Variants in ATP6V0C observed in about 807,000 individuals in gnomAD.
ATP6V0C encodes V-type proton ATPase 16 kDa proteolipid subunit c.
ATP6V0C carries 2 observed loss-of-function variants against 10.6 expected under a neutral mutation model. The ratio of observed to expected loss-of-function variants is 0.19; its 90% CI spans 0.08 to 0.59. ATP6V0C has a LOEUF of 0.59. Among genes scored for constraint, ATP6V0C ranks in the 20% least tolerant of loss-of-function variants. The pLI is 0.90. For synonymous variants in ATP6V0C, 128 were observed against 101.3 expected (o/e 1.26, Z -1.59); for missense variants, 89 against 225.9 (o/e 0.39, Z 3.88).
intron 1 of ATP6V0C, among the ~76,000 whole-genome samples, chr16:2,514,693 C>T (rs1418614987): frequency 1.3e-5 from 2 of 152,036 alleles, no homozygotes; most frequent in Non-Finnish European, 2.9e-5. Context: ...AGCCCTCGCC[C>T]TTATGGCGGC....
rs2065865452 is a variant in ATP6V0C at position 2,514,246 on chromosome 16, G to T, written c.79+64G>T. On this transcript the variant is annotated intron_variant, in intron 1 of 2. Coordinates refer to ENST00000330398, the MANE Select transcript of ATP6V0C (RefSeq NM_001694.4). ...CGCGCGTTGCTCATGCCCGCAGCTC[G>T]CCGGGGTCCGGTGTGTGACGTCACT... 1.2e-5 allele frequency: 17 copies of T among 1,465,486 alleles called. No individual in the cohort carries two copies. The South Asian group carries it at 2.2e-4, about 19-fold the overall frequency. 90.8% of individuals were successfully genotyped at this position (1,465,486 alleles called of 1,614,324 possible).
In ATP6V0C at chr16:2,513,959, G is replaced by C; in HGVS notation, c.-145G>C. 1.5e-6 allele frequency: 1 copy of C among 674,680 alleles called. No homozygotes were observed. The highest frequency in any genetic ancestry group is 2.4e-6 in the Non-Finnish European group (1 of 414,276). The allele number at this position is 674,680 out of a possible 1,614,324, so 41.8% of individuals were successfully genotyped here. On this transcript the variant is annotated 5_prime_UTR_variant, in exon 1 of 3. Transcript: ENST00000330398. ...GGCCGCGGCCGCCATTTTGTTCTGCGGTGCTGGTATTTAGAGCGCAGCGGC... is the reference window on the plus strand; with the variant it reads ...GGCCGCGGCCGCCATTTTGTTCTGCCGTGCTGGTATTTAGAGCGCAGCGGC...
chr16:2,519,757 G>A lies in ATP6V0C; in HGVS notation c.*12G>A, dbSNP rs763964926. The stretch of plus-strand genomic sequence containing the variant: ...TCTCCACAAAGTAGACCCTCTCCGA[G>A]CCCACCAGCCACAGAATATTATGTA... On this transcript the variant is annotated 3_prime_UTR_variant, in exon 3 of 3. Transcript: ENST00000330398. 1 of 1,586,638 alleles carries A rather than the reference G, an allele frequency of 6.3e-7. No individual in the cohort carries two copies. The highest frequency in any genetic ancestry group is 8.6e-7 in the Non-Finnish European group (1 of 1,160,644).
intron 1 of ATP6V0C, among the ~76,000 whole-genome samples, chr16:2,515,228 A>G (rs1270969269): frequency 1.3e-5 from 2 of 151,986 alleles, no homozygotes; most frequent in African/African-American, 4.8e-5. Flanking sequence ...TAGGCCCAGG[A>G]ATGTGGGTCC....
At chr16:2,518,615 G>A (rs1444746973) in intron 1 of ATP6V0C, among the ~76,000 whole-genome samples, 1 of 152,252 alleles carries the variant, frequency 6.6e-6, no homozygotes, top group Non-Finnish European at 1.5e-5. Context: ...GGTGCTGAGA[G>A]CTGCCCTTTC....
chr16:2,519,253 A>G lies in ATP6V0C; in HGVS notation c.115A>G (p.Thr39Ala). ...TGCCTATGGCACAGCCAAGAGCGGTACCGGCATTGCGGCCATGTCTGTCAT... is the reference window on the plus strand; with the variant it reads ...TGCCTATGGCACAGCCAAGAGCGGTGCCGGCATTGCGGCCATGTCTGTCAT... ...GAAYGTAKSG[T>A]GIAAMSVMRP... is the part of the protein sequence containing the mutation. The change falls in exon 2 of 3, where the codon ACC (threonine) becomes GCC (alanine). Residue 39 changes from threonine (T) to alanine (A), a missense_variant. Physicochemically the swap from Thr to Ala is moderately conservative, Grantham distance 58 (BLOSUM62 0). This residue lies in a region of ATP6V0C where 18 missense variants were observed against 79.5 expected (regional missense o/e 0.23). Coordinates refer to ENST00000330398, the MANE Select transcript of ATP6V0C (RefSeq NM_001694.4). 1 of 1,613,942 alleles carries G rather than the reference A, an allele frequency of 6.2e-7. No homozygotes were observed. The highest frequency in any genetic ancestry group is 8.5e-7 in the Non-Finnish European group (1 of 1,179,896).
chr16:2,518,954 A>G, intron 1 of ATP6V0C: 2 of 464,608 alleles, frequency 4.3e-6, no homozygotes, highest in Non-Finnish European at 7.7e-6. Context: ...CGCCGCCCCA[A>G]GAGCTGCTGC....
intron 1 of ATP6V0C, chr16:2,514,433 G>A (rs1419533931): frequency 4.7e-5 from 10 of 213,220 alleles, no homozygotes; most frequent in Non-Finnish European, 6.4e-5. Context: ...GGCCCTGCCA[G>A]CCGGGTCGTG....
At chr16:2,515,470 C>G (rs1023739117) in intron 1 of ATP6V0C, among the ~76,000 whole-genome samples, 1 of 152,160 alleles carries the variant, frequency 6.6e-6, no homozygotes, top group African/African-American at 2.4e-5. Flanking sequence ...TGTTCTCTTG[C>G]GGGCCTCCTT....
intron 1 of ATP6V0C, 38 bp downstream of exon 1, chr16:2,514,220 G>C (rs2065865254): frequency 1.2e-5 from 18 of 1,515,488 alleles, no homozygotes; most frequent in Non-Finnish European, 1.5e-5. Context: ...GGGCGGGGGC[G>C]CGCGCGTTGC....
rs2065904028 is a variant in ATP6V0C at position 2,520,090 on chromosome 16, C to T, written c.*345C>T. 1.6e-6 allele frequency: 1 copy of T among 613,824 alleles called. No homozygotes were observed. The highest frequency in any genetic ancestry group is 3.0e-6 in the Non-Finnish European group (1 of 329,686). 38.0% of individuals were successfully genotyped at this position (613,824 alleles called of 1,614,324 possible). A position where few individuals can be genotyped will look rare whatever the true frequency, so the allele number is the denominator to read the frequency against. ...CTGCGGAGCGGCCCTTGTCTCCCAG[C>T]TATCTATAACCTTAGCTAGAGTGTC... On this transcript the variant is annotated 3_prime_UTR_variant, in exon 3 of 3. Transcript: ENST00000330398.
At chr16:2,514,702 GC>G (rs1433636535) in intron 1 of ATP6V0C, among the ~76,000 whole-genome samples, 2 of 152,122 alleles carry the variant, frequency 1.3e-5, no homozygotes, top group Non-Finnish European at 2.9e-5. Context: ...CCTTATGGCG[GC>G]CGGCCCCGAG....
In ATP6V0C at chr16:2,519,452, G is replaced by GGGGC. The variant is rs774746256; in HGVS notation, c.263+54_263+57dup. On this transcript the variant is annotated intron_variant, in intron 2 of 2. Transcript: ENST00000330398. ...CCAGGGCTGGAGGACTGCAGGGAGG[G>GGGGC]GGGCGGTTCACCTGTGGGTGGTGAC... The GGGGC allele has an allele frequency of 3.2e-6, 5 of 1,573,448 alleles. No homozygotes were observed. In the East Asian group the frequency reaches 9.0e-5, roughly 28 times the overall value.
At position 2,514,050 on chromosome 16, in the gene ATP6V0C, C is replaced by T. The variant is rs902883045; in HGVS notation, c.-54C>T. On this transcript the variant is annotated 5_prime_UTR_variant, in exon 1 of 3. Coordinates refer to ENST00000330398, the MANE Select transcript of ATP6V0C (RefSeq NM_001694.4). ...CTTCGTGCCCGGCCCGTCCTCGCCC[C>T]CGCCTCCGCCACCGCCTCGGCCCGC... The T allele has an allele frequency of 3.3e-6, 5 of 1,503,096 alleles. No individual in the cohort carries two copies. The highest frequency in any genetic ancestry group is 4.5e-6 in the Non-Finnish European group (5 of 1,113,782). 93.1% of individuals were successfully genotyped at this position (1,503,096 alleles called of 1,614,324 possible). A position where few individuals can be genotyped will look rare whatever the true frequency, so the allele number is the denominator to read the frequency against.
In ATP6V0C at chr16:2,514,255, C is replaced by A. The variant is rs914873292; in HGVS notation, c.79+73C>A. 4.0e-4 allele frequency: 565 copies of A among 1,428,448 alleles called. 1 individual carries two copies. The highest frequency in any genetic ancestry group is 4.5e-4 in the Non-Finnish European group (481 of 1,065,814). 88.5% of individuals were successfully genotyped at this position (1,428,448 alleles called of 1,614,324 possible). A position where few individuals can be genotyped will look rare whatever the true frequency, so the allele number is the denominator to read the frequency against. ...CTCATGCCCGCAGCTCGCCGGGGTC[C>A]GGTGTGTGACGTCACTCTGACGTAA... is the stretch of plus-strand genomic sequence containing the variant. On this transcript the variant is annotated intron_variant, in intron 1 of 2. Coordinates refer to ENST00000330398, the MANE Select transcript of ATP6V0C (RefSeq NM_001694.4).
Position 2,514,090 on chromosome 16 carries a change from C to T in ATP6V0C, c.-14C>T, listed in dbSNP as rs1166337768. ...CCTCGGCCCGCAGAGCTTGCCCCCT[C>T]CCCACCCGCAGACATGTCCGAGTCC... On this transcript the variant is annotated 5_prime_UTR_variant, in exon 1 of 3. Transcript: ENST00000330398. The T allele has an allele frequency of 6.4e-7, 1 of 1,569,286 alleles. No homozygotes were observed. The highest frequency in any genetic ancestry group is 8.6e-7 in the Non-Finnish European group (1 of 1,158,868).
rs1360480268 is a variant in ATP6V0C, at chr16:2,520,192, T to C, written c.*447T>C. The C allele has an allele frequency of 2.0e-6, 1 of 496,732 alleles. No individual in the cohort carries two copies. The highest frequency in any genetic ancestry group is 2.0e-5 in the South Asian group (1 of 49,314). The allele number at this position is 496,732 out of a possible 1,614,324, so 30.8% of individuals were successfully genotyped here. A position where few individuals can be genotyped will look rare whatever the true frequency, so the allele number is the denominator to read the frequency against. On this transcript the variant is annotated 3_prime_UTR_variant, in exon 3 of 3. Coordinates refer to ENST00000330398, the MANE Select transcript of ATP6V0C (RefSeq NM_001694.4). ...CCGGGCCCGTGGCCCTGCGCGGAGCTGTGTCCAATAAAGTTCTTGGATGTG... is the reference window on the plus strand; with the variant it reads ...CCGGGCCCGTGGCCCTGCGCGGAGCCGTGTCCAATAAAGTTCTTGGATGTG...
Position 2,514,161 on chromosome 16 carries a change from T to G in ATP6V0C, c.58T>G (p.Ser20Ala). ...TTCGTTTTTCGCCGTCATGGGCGCCTCGGCCGCCATGGTCTTCAGCGGTGA... is the reference window on the plus strand; with the variant it reads ...TTCGTTTTTCGCCGTCATGGGCGCCGCGGCCGCCATGGTCTTCAGCGGTGA... Reference protein sequence around the residue: ...YASFFAVMGASAAMVFSALGA... With the variant: ...YASFFAVMGAAAAMVFSALGA... The change falls in exon 1 of 3, where the codon TCG becomes GCG. Residue 20 changes from serine to alanine, a missense_variant. Physicochemically the swap from Ser to Ala is moderately conservative, Grantham distance 99 (BLOSUM62 1). Coordinates refer to ENST00000330398, the MANE Select transcript of ATP6V0C (RefSeq NM_001694.4). 6.3e-7 allele frequency: 1 copy of G among 1,582,988 alleles called. No individual in the cohort carries two copies. The highest frequency in any genetic ancestry group is 8.6e-7 in the Non-Finnish European group (1 of 1,165,748).
intron 1 of ATP6V0C, 66 bp downstream of exon 1, chr16:2,514,248 CG>C: frequency 6.8e-7 from 1 of 1,461,952 alleles, no homozygotes; most frequent in Non-Finnish European, 9.2e-7. Context: ...CGCAGCTCGC[CG>C]GGGTCCGGTG....
Sources: allele counts gnomAD v4.1 joint callset (sites outside exome capture counted in the v4.1 genomes callset), GRCh38; gene constraint gnomAD v4.1.1; regional missense constraint gnomAD v4.1.1; transcripts MANE v1.5; gene names NCBI Gene and HGNC (gene_info 2026-07-23, HGNC 2026-07-21).